GGA2: variants seen among roughly 807,000 people sequenced by gnomAD.
The protein encoded by GGA2 is golgi associated, gamma adaptin ear containing, ARF binding protein 2, also known as ADP-ribosylation factor-binding protein GGA2.
Under a neutral mutation model 79.5 loss-of-function variants are expected in GGA2, and 48 were observed. The ratio of observed to expected loss-of-function variants is 0.60; its 90% CI spans 0.48 to 0.77. GGA2 has a LOEUF of 0.77. Ranked by LOEUF, GGA2 falls within the 30% of genes least tolerant of loss-of-function variation. GGA2 has a pLI of 0.00. For synonymous variants in GGA2, 317 were observed against 302.0 expected, an observed-to-expected ratio of 1.05 and a Z score of -0.51; for missense variants, 770 against 774.0, an observed-to-expected ratio of 0.99 and a Z score of 0.06.
chr16:23,471,769 G>A (rs961894953), intron 14 of GGA2, among the ~76,000 whole-genome samples: 14 of 152,166 alleles, frequency 9.2e-5, no homozygotes, highest in Admixed American at 6.6e-4. Flanking sequence ...TGCTGGGTGT[G>A]GTGGTGCATG....
intron 1 of GGA2, among the ~76,000 whole-genome samples, chr16:23,502,895 C>T (rs1260079553): frequency 6.6e-6 from 1 of 152,150 alleles, no homozygotes; most frequent in Non-Finnish European, 1.5e-5. Context: ...TTTTTTCTTA[C>T]AAGAACACCA....
chr16:23,467,738 G>C (rs754908936), intron 16 of GGA2, 38 bp from the exon 17 acceptor site: 8 of 1,006,274 alleles, frequency 8.0e-6, no homozygotes, highest in East Asian at 4.8e-5. Context: ...AATCAGTGGA[G>C]AGCAACCCAG....
Position 23,483,036 on chromosome 16 carries a change from G to A in GGA2, c.799-32C>T, listed in dbSNP as rs8054517. 2,859 of 1,435,258 alleles carry A rather than the reference G, an allele frequency of 2.0e-3. 48 individuals carry two copies. In the African/African-American group the frequency reaches 0.035, roughly 17 times the overall value. 88.9% of individuals were successfully genotyped at this position (1,435,258 alleles called of 1,614,324 possible). Reference sequence around the variant, plus strand: ...GAGCAGAGCTTGGTTCATGACACACGCCCAGGCACCCCATAACGCCCCCCT... The same window carrying A: ...GAGCAGAGCTTGGTTCATGACACACACCCAGGCACCCCATAACGCCCCCCT... On this transcript the variant is annotated intron_variant, in intron 8 of 16. Coordinates refer to ENST00000309859, the MANE Select transcript of GGA2 (RefSeq NM_015044.4).
rs143003037 is a variant in GGA2, at chr16:23,493,398, G to C, written c.313C>G (p.Arg105Gly). 3.6e-4 allele frequency: 574 copies of C among 1,612,738 alleles called. 3 individuals carry two copies. The highest frequency in any genetic ancestry group is 4.4e-4 in the Non-Finnish European group (521 of 1,178,740). Residue 105 changes from arginine to glycine, a missense_variant, in exon 4 of 17, where the codon CGT becomes GGT. Coordinates refer to ENST00000309859, the MANE Select transcript of GGA2 (RefSeq NM_015044.4). ...EKFHSEVAKFRFLNELIKVLS... is the reference protein window; with the variant it reads ...EKFHSEVAKFGFLNELIKVLS... Reference sequence around the variant, plus strand: ...ACTTTGATCAGTTCGTTCAGGAAACGAAATTTGGCCACCTCGCTGTGGAAC... The same window carrying C: ...ACTTTGATCAGTTCGTTCAGGAAACCAAATTTGGCCACCTCGCTGTGGAAC...
chr16:23,488,477 A>G, intron 6 of GGA2, 129 bp downstream of exon 6: 5 of 708,722 alleles, frequency 7.1e-6, no homozygotes, highest in Non-Finnish European at 1.3e-5. Flanking sequence ...CCTCACTCCT[A>G]AGGGCCTGTC....
chr16:23,515,728 T>C (rs1158839645), intron 2 of GGA2, among the ~76,000 whole-genome samples: 2 of 151,748 alleles, frequency 1.3e-5, no homozygotes, highest in East Asian at 3.9e-4. Flanking sequence ...CAGGTTTGGA[T>C]TGGAATCTAC....
chr16:23,514,780 T>G (rs1035145174), upstream of GGA2, among the ~76,000 whole-genome samples: 6 of 152,160 alleles, frequency 3.9e-5, no homozygotes, highest in East Asian at 9.6e-4. Context: ...CCATGACCCT[T>G]TGGAGAGGTG....
intron 1 of GGA2, among the ~76,000 whole-genome samples, chr16:23,506,187 C>A (rs1964972153): frequency 6.6e-6 from 1 of 152,106 alleles, no homozygotes; most frequent in Non-Finnish European, 1.5e-5. Flanking sequence ...AGACACCACC[C>A]CCTGGTGACT....
At chr16:23,475,159 C>A in intron 13 of GGA2, 98 bp from the exon 14 acceptor site, 1 of 650,568 alleles carries the variant, frequency 1.5e-6, no homozygotes, top group Non-Finnish European at 2.7e-6. Flanking sequence ...AAATAACACA[C>A]ACACACACAC....
At chr16:23,471,155 T>C (rs1400322210) in intron 14 of GGA2, among the ~76,000 whole-genome samples, 3 of 152,064 alleles carry the variant, frequency 2.0e-5, no homozygotes, top group Non-Finnish European at 4.4e-5. Context: ...CATTCTTAAT[T>C]CTACCCAGAA....
At chr16:23,505,197 G>A (rs1013844307) in intron 1 of GGA2, among the ~76,000 whole-genome samples, 1 of 152,164 alleles carries the variant, frequency 6.6e-6, no homozygotes, top group Non-Finnish European at 1.5e-5. Context: ...GACTCAGCAT[G>A]GGAATGTCCT....
chr16:23,478,315 G>T, intron 13 of GGA2, 53 bp downstream of exon 13: 1 of 1,469,956 alleles, frequency 6.8e-7, no homozygotes, highest in Non-Finnish European at 9.1e-7. Flanking sequence ...CCCATGAGAA[G>T]GAACCGCACT....
Position 23,493,478 on chromosome 16 carries a change from C to A in GGA2, c.253-20G>T. The A allele has an allele frequency of 6.6e-7, 1 of 1,507,322 alleles. No individual in the cohort carries two copies. The allele number at this position is 1,507,322 out of a possible 1,614,324, so 93.4% of individuals were successfully genotyped here. ...CAGCACCTGCACAGACACAGGACCC[C>A]CAGGAGAAGGTGGAAAGCCAGTGGT... On this transcript the variant is annotated intron_variant, in intron 3 of 16. Coordinates refer to ENST00000309859, the MANE Select transcript of GGA2 (RefSeq NM_015044.4).
At chr16:23,496,247 G>A (rs1964853952) in intron 1 of GGA2, among the ~76,000 whole-genome samples, 1 of 142,370 alleles carries the variant, frequency 7.0e-6, no homozygotes, top group Non-Finnish European at 1.5e-5. Flanking sequence ...AGGTTGCAGT[G>A]AGCCAAGATT....
intron 16 of GGA2, 47 bp from the exon 17 acceptor site, chr16:23,467,747 AG>A (rs1263102222): frequency 1.1e-6 from 1 of 896,200 alleles, no homozygotes; most frequent in Non-Finnish European, 1.9e-6. Flanking sequence ...AGAGCAACCC[AG>A]GAACAGGGGT....
chr16:23,476,455 T>C (rs917524310), intron 13 of GGA2, among the ~76,000 whole-genome samples: 1 of 152,134 alleles, frequency 6.6e-6, no homozygotes, highest in African/African-American at 2.4e-5. Flanking sequence ...CAGGGATCTA[T>C]ACTATAAGGC....
chr16:23,480,876 AGTTTATCC>A (rs1296125962), intron 9 of GGA2, 106 bp from the exon 10 acceptor site: 33 of 1,095,038 alleles, frequency 3.0e-5, no homozygotes, highest in Non-Finnish European at 4.4e-5. Context: ...GACTATGTTC[AGTTTATCC>A]ACACCTCCTG....
rs186862795 is a variant in GGA2, at chr16:23,466,285, C to T, written c.*1305G>A. 43 of 152,326 alleles carry T rather than the reference C, an allele frequency of 2.8e-4. No homozygotes were observed. The highest frequency in any genetic ancestry group is 8.4e-4 in the African/African-American group (35 of 41,582). 9.4% of individuals were successfully genotyped at this position (152,326 alleles called of 1,614,324 possible). A position where few individuals can be genotyped will look rare whatever the true frequency, so the allele number is the denominator to read the frequency against. On this transcript the variant is annotated 3_prime_UTR_variant, in exon 17 of 17. Transcript: ENST00000309859. Reference sequence around the variant, plus strand: ...CCTCCGCCTAGCCATCTCAGCCAGGCTCAGGTTCCTTCTCCCACCCATCAG... The same window carrying T: ...CCTCCGCCTAGCCATCTCAGCCAGGTTCAGGTTCCTTCTCCCACCCATCAG...
chr16:23,513,612 CGT>C (rs1318242745), upstream of GGA2, among the ~76,000 whole-genome samples: 1 of 151,712 alleles, frequency 6.6e-6, no homozygotes, highest in Admixed American at 6.6e-5. Context: ...GGTGAAACCG[CGT>C]GTCTACAAAA....
Sources: gnomAD v4.1 joint callset for allele counts (sites outside exome capture counted in the v4.1 genomes callset) on GRCh38, gnomAD v4.1.1 for gene constraint, MANE v1.5 for transcripts, NCBI Gene and HGNC (gene_info 2026-07-23, HGNC 2026-07-21) for gene names.